Variants in GAB2 observed in about 807,000 individuals in gnomAD.
GAB2 encodes GRB2-associated-binding protein 2.
In GAB2, 26 loss-of-function variants were observed where a neutral mutation model predicts 65.5. The observed-to-expected ratio is 0.40, with a 90% CI of 0.29 to 0.55. The LOEUF is 0.55. Among genes scored for constraint, GAB2 ranks in the 20% least tolerant of loss-of-function variants. The pLI is 0.53. For missense variants in GAB2, 884 were observed against 875.8 expected, an observed-to-expected ratio of 1.01 and a Z score of -0.12; for synonymous variants, 321 against 329.6, an observed-to-expected ratio of 0.97 and a Z score of 0.28.
intron 1 of GAB2, among the ~76,000 whole-genome samples, chr11:78,397,677 A>G (rs747162693): frequency 6.6e-5 from 10 of 152,262 alleles, no homozygotes; most frequent in Non-Finnish European, 1.2e-4. Flanking sequence ...CCGGACTCCT[A>G]TGGCACTGGT....
chr11:78,316,082 C>A (rs1855597593), intron 1 of GAB2, among the ~76,000 whole-genome samples: 1 of 152,160 alleles, frequency 6.6e-6, no homozygotes, highest in Non-Finnish European at 1.5e-5. Context: ...TCCTCCTGCC[C>A]TTGGACATCA....
At chr11:78,261,805 T>C (rs1414868137) in intron 2 of GAB2, among the ~76,000 whole-genome samples, 1 of 152,218 alleles carries the variant, frequency 6.6e-6, no homozygotes, top group African/African-American at 2.4e-5. Flanking sequence ...GGAGGAGCAC[T>C]TCAGCCCTCC....
intron 1 of GAB2, among the ~76,000 whole-genome samples, chr11:78,399,967 A>G: frequency 6.6e-6 from 1 of 152,204 alleles, no homozygotes; most frequent in East Asian, 1.9e-4. Flanking sequence ...CTGAACATAA[A>G]CATTGTCAAT....
rs185938028 is a variant in GAB2, at chr11:78,319,013, G to A, written c.76-38112C>T. Among the ~76,000 whole-genome samples, 21 of 152,218 alleles carry A rather than the reference G, an allele frequency of 1.4e-4. No homozygotes were observed. The East Asian group carries it at 4.1e-3, about 29-fold the overall frequency. ...CTAACAATGGTGTGGTCTGTGTTAT[G>A]TTTTCCCTCCATCACTGCCCCTCCC... On this transcript the variant is annotated intron_variant, in intron 1 of 9. Transcript: ENST00000361507.
chr11:78,324,484 G>A (rs376069850), intron 1 of GAB2, among the ~76,000 whole-genome samples: 3 of 152,254 alleles, frequency 2.0e-5, no homozygotes, highest in African/African-American at 4.8e-5. Context: ...TTAGAGCAGA[G>A]GAAAATGGAA....
At chr11:78,286,159 T>C (rs1197842322) in intron 1 of GAB2, among the ~76,000 whole-genome samples, 1 of 152,210 alleles carries the variant, frequency 6.6e-6, no homozygotes, top group Non-Finnish European at 1.5e-5. Context: ...CTCACAGAAT[T>C]TACAGGAGCA....
At chr11:78,416,056 A>G (rs1042451812) in intron 1 of GAB2, among the ~76,000 whole-genome samples, 4 of 151,974 alleles carry the variant, frequency 2.6e-5, no homozygotes, top group Admixed American at 2.0e-4. Flanking sequence ...TATTTATAAA[A>G]TTGTTAATAG....
rs1191816879 is a variant in GAB2 at position 78,221,745 on chromosome 11, G to A, written c.1693C>T (p.Arg565Cys). ...TFNSSSSQYCRPISTQSITST... is the reference protein window; with the variant it reads ...TFNSSSSQYCCPISTQSITST... ...GTGATGCTCTGGGTGGAGATGGGGCGGCAGTACTGGGAGGAGCTGGAGTTG... is the reference window on the plus strand; with the variant it reads ...GTGATGCTCTGGGTGGAGATGGGGCAGCAGTACTGGGAGGAGCTGGAGTTG... The change falls in exon 8 of 10, where the codon CGC becomes TGC. Residue 565 changes from arginine to cysteine, a missense_variant. Transcript: ENST00000361507. The A allele has an allele frequency of 5.0e-6, 8 of 1,613,456 alleles. No homozygotes were observed. In the South Asian group the frequency reaches 6.6e-5, roughly 13 times the overall value.
At chr11:78,364,050 T>C (rs1045312104) in intron 1 of GAB2, 1 of 152,058 alleles carries the variant, frequency 6.6e-6, no homozygotes, top group Non-Finnish European at 1.5e-5. Flanking sequence ...TAAGAAGAGA[T>C]ATTTGAGTTA....
At chr11:78,318,346 T>C (rs1269815114) in intron 1 of GAB2, 1 of 43,820 alleles carries the variant, frequency 2.3e-5, no homozygotes, top group African/African-American at 9.0e-5. Context: ...GGAAAGACAT[T>C]TTGGGATCTG....
intron 1 of GAB2, chr11:78,341,698 GAACA>G: frequency 2.1e-6 from 2 of 931,458 alleles, no homozygotes; most frequent in Non-Finnish European, 2.6e-6. Context: ...GACTCCTAAA[GAACA>G]AATATTCAGA....
intron 1 of GAB2, among the ~76,000 whole-genome samples, chr11:78,297,543 C>G (rs564210329): frequency 5.3e-5 from 8 of 152,100 alleles, no homozygotes; most frequent in Non-Finnish European, 1.0e-4. Context: ...GTCGTGCACC[C>G]AGGGGAGTAG....
rs1311395727 is a variant in GAB2, at chr11:78,336,341, A to C, written c.76-55440T>G. ...GACTGTCTCTCAAAAAAAAAAAAAA[A>C]AAAAAAAAAAAAAAAAAAAAACACA... On this transcript the variant is annotated intron_variant, in intron 1 of 9. Transcript: ENST00000361507. Among the ~76,000 whole-genome samples, 39 of 146,318 alleles carry C rather than the reference A, an allele frequency of 2.7e-4. 1 individual carries two copies. The highest frequency in any genetic ancestry group is 9.2e-4 in the African/African-American group (36 of 39,100).
At chr11:78,369,143 A>C (rs1856536055) in intron 1 of GAB2, among the ~76,000 whole-genome samples, 1 of 132,428 alleles carries the variant, frequency 7.6e-6, no homozygotes, top group Non-Finnish European at 1.5e-5. Flanking sequence ...CCCTGTCTCA[A>C]AAAAAAAAAA....
chr11:78,228,657 A>G (rs1331751064), intron 3 of GAB2, among the ~76,000 whole-genome samples: 3 of 152,190 alleles, frequency 2.0e-5, no homozygotes, highest in Non-Finnish European at 2.9e-5. Flanking sequence ...TGTACCCACC[A>G]TGATGGCTAG....
At chr11:78,239,146 C>T (rs1865063279) in intron 3 of GAB2, among the ~76,000 whole-genome samples, 1 of 151,872 alleles carries the variant, frequency 6.6e-6, no homozygotes, top group Non-Finnish European at 1.5e-5. Flanking sequence ...AGAAGAAACC[C>T]CTACTGCTTG....
At chr11:78,396,992 G>C (rs1215364628) in intron 1 of GAB2, among the ~76,000 whole-genome samples, 1 of 152,116 alleles carries the variant, frequency 6.6e-6, no homozygotes, top group Non-Finnish European at 1.5e-5. Flanking sequence ...ATAAATACAG[G>C]AAAAAGAGAC....
intron 1 of GAB2, among the ~76,000 whole-genome samples, chr11:78,375,432 G>A (rs1554996125): frequency 6.6e-6 from 1 of 152,030 alleles, no homozygotes; most frequent in Non-Finnish European, 1.5e-5. Flanking sequence ...TGTCTTTTCA[G>A]TGGCAAAGAC....
In GAB2 at chr11:78,269,194, C is replaced by T. The variant is rs146687301; in HGVS notation, c.376+11407G>A. ...TGGGTCAGTCTCCACTCTGTTCTTTCTTCCTTGAGAGAGGAGTCTCAGCCT... is the reference window on the plus strand; with the variant it reads ...TGGGTCAGTCTCCACTCTGTTCTTTTTTCCTTGAGAGAGGAGTCTCAGCCT... On this transcript the variant is annotated intron_variant, in intron 2 of 9. Transcript: ENST00000361507. Among the ~76,000 whole-genome samples, 1,404 of 152,276 alleles carry T rather than the reference C, an allele frequency of 9.2e-3. 15 individuals are homozygous for T. Among genetic ancestry groups the T allele is most frequent in the Non-Finnish European group, 0.015 (1,040 of 68,008 alleles).
Sources: allele counts gnomAD v4.1 joint callset (sites outside exome capture counted in the v4.1 genomes callset), GRCh38; gene constraint gnomAD v4.1.1; transcripts MANE v1.5; gene names NCBI Gene and HGNC (gene_info 2026-07-23, HGNC 2026-07-21).